Variants in POSTN observed in about 807,000 individuals in gnomAD.
The protein encoded by POSTN is periostin.
In POSTN, 71 loss-of-function variants were observed where a neutral mutation model predicts 104.5. The observed-to-expected ratio is 0.68, with a 90% confidence interval of 0.56 to 0.83. The LOEUF is 0.83. Among genes scored for constraint, POSTN ranks in the 40% least tolerant of loss-of-function variants. POSTN has a pLI of 0.00. For synonymous variants in POSTN, 355 were observed against 340.7 expected (o/e 1.04, Z -0.46); for missense variants, 949 against 1,006.8 (o/e 0.94, Z 0.78).
At position 37,568,271 on chromosome 13, in the gene POSTN, A is replaced by G. The variant is rs1950171861; in HGVS notation, c.2431+1029T>C. On this transcript the variant is annotated intron_variant, in intron 21 of 22. Transcript: ENST00000379747. ...TGGTTGAATTAAAAATTTTTAAACT[A>G]TCACTGACAAGTTTCTAAATACTAT... Among the ~76,000 whole-genome samples the G allele has an allele frequency of 2.0e-5, 3 of 152,188 alleles. No homozygotes were observed. In the South Asian group the frequency reaches 6.2e-4, roughly 32 times the overall value.
intron 16 of POSTN, 65 bp from the exon 17 acceptor site, chr13:37,574,717 T>G: frequency 6.7e-7 from 1 of 1,488,946 alleles, no homozygotes; most frequent in South Asian, 1.3e-5. Flanking sequence ...GGTTTTTTTT[T>G]TTTTTCCTTT....
intron 19 of POSTN, 64 bp downstream of exon 19, chr13:37,570,516 G>A: frequency 9.8e-7 from 1 of 1,022,382 alleles, no homozygotes; most frequent in East Asian, 2.4e-5. Context: ...CTTATATTTG[G>A]GGATTAACTA....
intron 8 of POSTN, 89 bp downstream of exon 8, chr13:37,584,627 A>T (rs1338051711): frequency 8.9e-7 from 1 of 1,121,086 alleles, no homozygotes; most frequent in Non-Finnish European, 1.3e-6. Context: ...CTGCACATTC[A>T]TTTTTCATGG....
Position 37,570,737 on chromosome 13 carries a change from A to G in POSTN, c.2180-68T>C, listed in dbSNP as rs1045151317. 210 of 949,896 alleles carry G rather than the reference A, an allele frequency of 2.2e-4. No individual in the cohort carries two copies. The African/African-American group carries it at 3.0e-3, about 14-fold the overall frequency. The allele number at this position is 949,896 out of a possible 1,614,324, so 58.8% of individuals were successfully genotyped here. A position where few individuals can be genotyped will look rare whatever the true frequency, so the allele number is the denominator to read the frequency against. On this transcript the variant is annotated intron_variant, in intron 18 of 22. Transcript: ENST00000379747. ...TTGTGACTATACATCCATAAGCTAG[A>G]CATTGTAATGATTAACTATATTTCT...
intron 17 of POSTN, among the ~76,000 whole-genome samples, chr13:37,573,962 A>T (rs1950329615): frequency 1.3e-5 from 2 of 151,478 alleles, no homozygotes; most frequent in African/African-American, 4.8e-5. Context: ...TCTCATGTAT[A>T]ATATATACGT....
intron 16 of POSTN, among the ~76,000 whole-genome samples, chr13:37,576,202 G>A (rs2138230321): frequency 6.6e-6 from 1 of 151,980 alleles, no homozygotes; most frequent in East Asian, 1.9e-4. Flanking sequence ...GTTATTTTGG[G>A]GATGAGGATA....
intron 7 of POSTN, among the ~76,000 whole-genome samples, chr13:37,585,216 A>C (rs17056119): frequency 0.012 from 1,761 of 152,296 alleles, 37 homozygotes; most frequent in African/African-American, 0.041. Context: ...ATAAAAAAGT[A>C]ACTCCTGATG....
Position 37,598,761 on chromosome 13 carries a change from G to T in POSTN, c.-35C>A. On this transcript the variant is annotated 5_prime_UTR_variant, in exon 1 of 23. Transcript: ENST00000379747. The stretch of plus-strand genomic sequence containing the variant: ...CTCCGTTGCAGTTAGTCCCCGAAGA[G>T]AACTGGCAGTGGGCTTTGGAGAGCT... 3 of 1,607,914 alleles carry T rather than the reference G, an allele frequency of 1.9e-6. No individual in the cohort carries two copies. The South Asian group carries it at 3.3e-5, about 18-fold the overall frequency.
chr13:37,579,255 G>C lies in POSTN; in HGVS notation c.1765C>G (p.Gln589Glu). 1 of 1,611,006 alleles carries C rather than the reference G, an allele frequency of 6.2e-7. No homozygotes were observed. Among genetic ancestry groups the C allele is most frequent in the Non-Finnish European group, 8.5e-7 (1 of 1,177,400 alleles). The change falls in exon 13 of 23, where the codon CAA (glutamine) becomes GAA (glutamate). Residue 589 changes from glutamine to glutamate, a missense_variant. Transcript: ENST00000379747. ...TCTTTCAGAAAGATTTTGCTTCCTT[G>C]TGTGGTCTTTAAAATGTTAGTAACA... Reference protein sequence around the residue: ...PGVTNILKTTQGSKIFLKEVN... With the variant: ...PGVTNILKTTEGSKIFLKEVN...
intron 21 of POSTN, among the ~76,000 whole-genome samples, chr13:37,567,845 G>A (rs918887475): frequency 6.6e-6 from 1 of 152,018 alleles, no homozygotes; most frequent in Non-Finnish European, 1.5e-5. Context: ...ATTTTTCATA[G>A]TGGCCTCAAT....
intron 9 of POSTN, among the ~76,000 whole-genome samples, chr13:37,583,149 G>T (rs1354752339): frequency 6.6e-6 from 1 of 152,122 alleles, no homozygotes; most frequent in East Asian, 1.9e-4. Context: ...GTCGAAGGTT[G>T]CATGAATCTG....
chr13:37,574,789 T>TA, intron 16 of POSTN, 137 bp from the exon 17 acceptor site: 1 of 1,155,838 alleles, frequency 8.7e-7, no homozygotes, highest in Non-Finnish European at 1.1e-6. Context: ...GGCAGTCAGA[T>TA]ACAGGAAATA....
intron 3 of POSTN, among the ~76,000 whole-genome samples, chr13:37,591,055 A>G (rs1018940605): frequency 2.0e-5 from 3 of 152,134 alleles, no homozygotes; most frequent in African/African-American, 7.2e-5. Context: ...TTCTGACCCT[A>G]TTTATTTGAA....
chr13:37,580,290 A>G (rs1046977971), intron 11 of POSTN, among the ~76,000 whole-genome samples: 2 of 152,198 alleles, frequency 1.3e-5, no homozygotes, highest in African/African-American at 4.8e-5. Flanking sequence ...AGTCTTTGCT[A>G]TATATACCAT....
In POSTN at chr13:37,590,507, A is replaced by G. The variant is rs762877014; in HGVS notation, c.306T>C (p.Tyr102=). 53 of 1,612,392 alleles carry G rather than the reference A, an allele frequency of 3.3e-5. 1 individual carries two copies. The Middle Eastern group carries it at 2.5e-3, about 75-fold the overall frequency. ...CPAVLPIDHV[Y]GTLGIVGATT... is the part of the protein sequence containing the mutation. Reference sequence around the variant, plus strand: ...TGGCTCCCACGATGCCCAGAGTGCCATAAACATGGTCAATGGGCAAAACTG... The same window carrying G: ...TGGCTCCCACGATGCCCAGAGTGCCGTAAACATGGTCAATGGGCAAAACTG... The change falls in exon 4 of 23, where the codon TAT becomes TAC. Residue 102 remains tyrosine, a synonymous_variant. Coordinates refer to ENST00000379747, the MANE Select transcript of POSTN (RefSeq NM_006475.3).
intron 17 of POSTN, among the ~76,000 whole-genome samples, chr13:37,571,991 T>C (rs1299009932): frequency 6.6e-6 from 1 of 151,654 alleles, no homozygotes; most frequent in African/African-American, 2.4e-5. Flanking sequence ...ATGTCAGGTT[T>C]TATGAGGAAA....
rs745671371 is a variant in POSTN, at chr13:37,579,241, G to T, written c.1779C>A (p.Ile593=). The T allele has an allele frequency of 8.1e-6, 13 of 1,611,412 alleles. No homozygotes were observed. The highest frequency in any genetic ancestry group is 1.7e-6 in the Non-Finnish European group (2 of 1,177,812). ...CTAGACAACTTACTTCTTTCAGAAA[G>T]ATTTTGCTTCCTTGTGTGGTCTTTA... is the stretch of plus-strand genomic sequence containing the variant. ...NILKTTQGSK[I]FLKEVNDTLL... Residue 593 remains isoleucine (I), a synonymous_variant, in exon 13 of 23, where the codon ATC becomes ATA. Transcript: ENST00000379747.
chr13:37,573,636 T>C (rs376889725), intron 17 of POSTN, among the ~76,000 whole-genome samples: 36 of 151,542 alleles, frequency 2.4e-4, no homozygotes, highest in Non-Finnish European at 4.9e-4. Context: ...ATAATTACAG[T>C]TTCCCAAAGA....
At chr13:37,584,996 T>G (rs1172306791) in intron 7 of POSTN, 68 bp from the exon 8 acceptor site, 1 of 1,572,064 alleles carries the variant, frequency 6.4e-7, no homozygotes, top group Non-Finnish European at 8.6e-7. Context: ...TGAAAAGATG[T>G]GTTTCACTGT....
Sources: allele counts gnomAD v4.1 joint callset (sites outside exome capture counted in the v4.1 genomes callset), GRCh38; gene constraint gnomAD v4.1.1; transcripts MANE v1.5; gene names NCBI Gene and HGNC (gene_info 2026-07-23, HGNC 2026-07-21).